Variants in WDR33 observed in about 807,000 individuals in gnomAD.
WDR33 encodes the protein pre-mRNA 3' end processing protein WDR33.
WDR33 carries 47 observed loss-of-function variants against 164.9 expected under a neutral mutation model. That is an observed-to-expected ratio of 0.29 (90% CI 0.23 to 0.36). The LOEUF is 0.36. WDR33 is among the 10% of genes least tolerant of loss of function. The pLI is 1.00. For missense variants in WDR33, 1,137 were observed against 1,754.1 expected (o/e 0.65, Z 6.28); for synonymous variants, 505 against 589.0 (o/e 0.86, Z 2.06).
intron 3 of WDR33, 66 bp downstream of exon 3, chr2:127,768,867 A>C: frequency 8.0e-7 from 1 of 1,247,880 alleles, no homozygotes; most frequent in Middle Eastern, 1.9e-4. Flanking sequence ...GAAGTCACAC[A>C]GTGAAGGCTA....
chr2:127,777,198 A>T (rs1688215480), intron 1 of WDR33, among the ~76,000 whole-genome samples: 1 of 152,244 alleles, frequency 6.6e-6, no homozygotes, highest in Admixed American at 6.5e-5. Flanking sequence ...CCTTTCTCCT[A>T]TACATAAACC....
At position 127,703,057 on chromosome 2, in the gene WDR33, A is replaced by AT. The variant is rs1267879429; in HGVS notation, c.*3265dup. 1.2e-5 allele frequency: 2 copies of AT among 167,014 alleles called. No individual in the cohort carries two copies. Among genetic ancestry groups the AT allele is most frequent in the Non-Finnish European group, 2.9e-5 (2 of 68,118 alleles). 10.3% of individuals were successfully genotyped at this position (167,014 alleles called of 1,614,324 possible). ...TTTATATCTAATTGCTGCTGCCTTC[A>AT]TTTTAGGTTCAGCAGTTACTTTTAA... On this transcript the variant is annotated 3_prime_UTR_variant, in exon 22 of 22. Coordinates refer to ENST00000322313, the MANE Select transcript of WDR33 (RefSeq NM_018383.5).
chr2:127,768,351 A>G, intron 3 of WDR33, 58 bp from the exon 4 acceptor site: 1 of 1,006,988 alleles, frequency 9.9e-7, no homozygotes, highest in Middle Eastern at 2.1e-4. Flanking sequence ...GGCAGAAACC[A>G]GAAACACGGC....
intron 1 of WDR33, among the ~76,000 whole-genome samples, chr2:127,772,052 CT>C (rs1688022001): frequency 6.6e-6 from 1 of 152,102 alleles, no homozygotes; most frequent in South Asian, 2.1e-4. Context: ...TGGTCTCAGA[CT>C]CTTGGGCTCA....
At chr2:127,739,689 G>C (rs1252887683) in intron 7 of WDR33, among the ~76,000 whole-genome samples, 1 of 152,122 alleles carries the variant, frequency 6.6e-6, no homozygotes, top group African/African-American at 2.4e-5. Context: ...CATATATTTT[G>C]AACATTCAAT....
At chr2:127,795,118 T>TTTTTTGG (rs1688989836) in intron 1 of WDR33, among the ~76,000 whole-genome samples, 1 of 147,032 alleles carries the variant, frequency 6.8e-6, no homozygotes, top group Non-Finnish European at 1.5e-5. Context: ...TTTTTTTTTT[T>TTTTTTGG]GAGAGGGAGT....
intron 7 of WDR33, among the ~76,000 whole-genome samples, chr2:127,728,975 A>C (rs188470493): frequency 2.4e-4 from 36 of 152,358 alleles, no homozygotes; most frequent in Admixed American, 2.2e-3. Flanking sequence ...ACCACAAAAT[A>C]AACTTCAGCT....
chr2:127,732,302 TTTTC>T (rs1686731509), intron 7 of WDR33, among the ~76,000 whole-genome samples: 1 of 151,470 alleles, frequency 6.6e-6, no homozygotes, highest in Non-Finnish European at 1.5e-5. Context: ...TCTTGAACTT[TTTTC>T]TTTTTTTTTT....
At chr2:127,801,760 T>C (rs1013942152) in intron 1 of WDR33, among the ~76,000 whole-genome samples, 1 of 152,116 alleles carries the variant, frequency 6.6e-6, no homozygotes, top group African/African-American at 2.4e-5. Context: ...GGTGCACACC[T>C]GTAGTGCCAG....
chr2:127,762,780 A>G, intron 7 of WDR33: 2 of 1,166,810 alleles, frequency 1.7e-6, no homozygotes, highest in Non-Finnish European at 2.1e-6. Flanking sequence ...AGGAAGGAAA[A>G]GGAATACAGC....
Position 127,706,232 on chromosome 2 carries a change from T to C in WDR33, c.*91A>G, listed in dbSNP as rs1686005450. 8.2e-7 allele frequency: 1 copy of C among 1,226,840 alleles called. No individual in the cohort carries two copies. Among genetic ancestry groups the C allele is most frequent in the Non-Finnish European group, 1.1e-6 (1 of 905,318 alleles). 76.0% of individuals were successfully genotyped at this position (1,226,840 alleles called of 1,614,324 possible). ...CCCAGAAAAGAGTTCAGGGCTACAA[T>C]GGTGCAGGCTTCCTTTTGTTTCTCT... is the stretch of plus-strand genomic sequence containing the variant. On this transcript the variant is annotated 3_prime_UTR_variant, in exon 22 of 22. Coordinates refer to ENST00000322313, the MANE Select transcript of WDR33 (RefSeq NM_018383.5). The surrounding 1 kb of genome is among the most constrained non-coding windows in gnomAD (Gnocchi z 5.1).
chr2:127,745,941 C>A (rs1307330102), intron 7 of WDR33, among the ~76,000 whole-genome samples: 2 of 151,138 alleles, frequency 1.3e-5, no homozygotes, highest in Non-Finnish European at 2.9e-5. Flanking sequence ...AGGAGAATTA[C>A]TTGAGCCCTG....
intron 1 of WDR33, among the ~76,000 whole-genome samples, chr2:127,795,293 G>T (rs1277344789): frequency 2.0e-5 from 3 of 151,698 alleles, no homozygotes; most frequent in South Asian, 4.1e-4. Context: ...TAGAGACAGG[G>T]TTTCACTATG....
intron 1 of WDR33, among the ~76,000 whole-genome samples, chr2:127,809,890 G>A (rs983976870): frequency 1.3e-5 from 2 of 151,852 alleles, no homozygotes; most frequent in Non-Finnish European, 2.9e-5. Flanking sequence ...CGGTCAAGGA[G>A]ACAAAAAAAG....
chr2:127,791,523 T>C (rs1688845533), intron 1 of WDR33, among the ~76,000 whole-genome samples: 1 of 152,090 alleles, frequency 6.6e-6, no homozygotes, highest in Non-Finnish European at 1.5e-5. Flanking sequence ...CAGCAAACTT[T>C]CTGGTGTTTC....
At chr2:127,785,612 G>T (rs1688536553) in intron 1 of WDR33, among the ~76,000 whole-genome samples, 1 of 152,068 alleles carries the variant, frequency 6.6e-6, no homozygotes, top group African/African-American at 2.4e-5. Context: ...TTAGCAATAT[G>T]CATTTAAGGT....
intron 7 of WDR33, among the ~76,000 whole-genome samples, chr2:127,753,731 G>A (rs1196181515): frequency 6.6e-6 from 1 of 152,088 alleles, no homozygotes; most frequent in Non-Finnish European, 1.5e-5. Context: ...AAAAGAATAT[G>A]GAGGCATCTA....
At position 127,764,671 on chromosome 2, in the gene WDR33, TG is replaced by T. The variant is rs748545273; in HGVS notation, c.626+156del. On this transcript the variant is annotated intron_variant, in intron 6 of 21. Transcript: ENST00000322313. The surrounding 1 kb of genome is among the most constrained non-coding windows in gnomAD (Gnocchi z 6.2). ...CTTCAGAAAGGTGCCAGCAAAATGGTGAATGTGTGAAAACAAAGAAAAATAT... is the reference window on the plus strand; with the variant it reads ...CTTCAGAAAGGTGCCAGCAAAATGGTAATGTGTGAAAACAAAGAAAAATAT... 5 of 1,579,918 alleles carry T rather than the reference TG, an allele frequency of 3.2e-6. No individual in the cohort carries two copies. The African/African-American group carries it at 4.1e-5, about 13-fold the overall frequency.
At chr2:127,747,335 T>C (rs1276841618) in intron 7 of WDR33, among the ~76,000 whole-genome samples, 2 of 152,128 alleles carry the variant, frequency 1.3e-5, no homozygotes, top group Non-Finnish European at 2.9e-5. Context: ...TGAACAAATA[T>C]TTCTGTGTGA....
Sources: allele counts gnomAD v4.1 joint callset (sites outside exome capture counted in the v4.1 genomes callset), GRCh38; gene constraint gnomAD v4.1.1; non-coding constraint Gnocchi (gnomAD v3.1); transcripts MANE v1.5; gene names NCBI Gene and HGNC (gene_info 2026-07-23, HGNC 2026-07-21).